PPARG: variants seen among roughly 807,000 people sequenced by gnomAD.
PPARG encodes the protein peroxisome proliferator activated receptor gamma.
PPARG carries 17 observed loss-of-function variants against 39.2 expected under a neutral mutation model. The observed-to-expected ratio is 0.43, with a 90% CI of 0.30 to 0.65. The LOEUF is 0.65. Ranked by LOEUF, PPARG falls within the 30% of genes least tolerant of loss-of-function variation. The pLI is 0.13. For synonymous variants in PPARG, 223 were observed against 215.7 expected (o/e 1.03, Z -0.30); for missense variants, 406 against 585.9 (o/e 0.69, Z 3.17).
chr3:12,383,427 T>C (rs533138469), intron 4 of PPARG, among the ~76,000 whole-genome samples: 71 of 152,292 alleles, frequency 4.7e-4, no homozygotes, highest in African/African-American at 1.6e-3. Context: ...ATTGAATGTT[T>C]TGTGGTTTTA....
chr3:12,322,125 C>T (rs2047563727), intron 2 of PPARG, among the ~76,000 whole-genome samples: 1 of 152,152 alleles, frequency 6.6e-6, no homozygotes, highest in South Asian at 2.1e-4. Flanking sequence ...TTTTTTGTTG[C>T]AGATACTGAA....
chr3:12,309,259 G>A (rs2047160226), intron 1 of PPARG, among the ~76,000 whole-genome samples: 1 of 152,084 alleles, frequency 6.6e-6, no homozygotes, highest in Admixed American at 6.5e-5. Context: ...AAGAAATTTT[G>A]TCAAGAATGG....
chr3:12,296,200 C>T (rs1198084733), intron 1 of PPARG, among the ~76,000 whole-genome samples: 2 of 130,628 alleles, frequency 1.5e-5, no homozygotes, highest in Non-Finnish European at 3.1e-5. Flanking sequence ...TGCAGTGAGC[C>T]GAGAAGATTG....
chr3:12,433,540 A>C (rs1363533286), intron 7 of PPARG, among the ~76,000 whole-genome samples: 2 of 150,754 alleles, frequency 1.3e-5, no homozygotes, highest in Non-Finnish European at 3.0e-5. Context: ...TCCATCTCAA[A>C]AAAAAAAAAA....
intron 2 of PPARG, among the ~76,000 whole-genome samples, chr3:12,320,772 C>G (rs1352155661): frequency 6.6e-6 from 1 of 152,158 alleles, no homozygotes; most frequent in Non-Finnish European, 1.5e-5. Flanking sequence ...CCCAACTACT[C>G]AGGTGGCTGA....
chr3:12,415,116 G>A (rs1168968158), intron 6 of PPARG, among the ~76,000 whole-genome samples: 1 of 152,152 alleles, frequency 6.6e-6, no homozygotes, highest in Non-Finnish European at 1.5e-5. Context: ...TTTCAGGAGA[G>A]AATTGTCAGC....
Position 12,420,416 on chromosome 3 carries a change from T to G in PPARG, c.1180+3262T>G, listed in dbSNP as rs371161768. 6.6e-5 allele frequency among the ~76,000 whole-genome samples: 10 copies of G among 152,380 alleles called. No individual in the cohort carries two copies. The East Asian group carries it at 1.9e-3, about 29-fold the overall frequency. On this transcript the variant is annotated intron_variant, in intron 7 of 7. Transcript: ENST00000651735. ...AACAAATTTCTGATCCTACCCAGTC[T>G]TAACAAGAGTGATTGTTTTCTCCTC... is the stretch of plus-strand genomic sequence containing the variant.
At chr3:12,382,016 AGAGC>A (rs1301548079) in intron 4 of PPARG, among the ~76,000 whole-genome samples, 5 of 152,302 alleles carry the variant, frequency 3.3e-5, no homozygotes, top group Admixed American at 2.0e-4. Flanking sequence ...TTGGATCCCT[AGAGC>A]AATCCTATAA....
intron 1 of PPARG, among the ~76,000 whole-genome samples, chr3:12,293,599 T>C (rs1200942810): frequency 2.6e-5 from 4 of 152,172 alleles, no homozygotes; most frequent in Non-Finnish European, 4.4e-5. Context: ...GGTTGCATGA[T>C]TACTGTGTAT....
intron 1 of PPARG, among the ~76,000 whole-genome samples, chr3:12,309,038 A>G (rs1397640472): frequency 1.3e-5 from 2 of 152,356 alleles, no homozygotes; most frequent in Admixed American, 1.3e-4. Flanking sequence ...CAGAGTACAT[A>G]CTATGCTAAT....
chr3:12,369,449 G>A (rs12630210), intron 2 of PPARG, among the ~76,000 whole-genome samples: 7,097 of 152,154 alleles, frequency 0.047, 356 homozygotes, highest in East Asian at 0.29. Context: ...CTGTGATTGC[G>A]TTACAGCACG....
At chr3:12,430,165 T>TTA (rs1330173970) in intron 7 of PPARG, among the ~76,000 whole-genome samples, 1 of 151,844 alleles carries the variant, frequency 6.6e-6, no homozygotes, top group African/African-American at 2.4e-5. Context: ...TCACTAGAGT[T>TTA]TATTAGACAC....
intron 2 of PPARG, among the ~76,000 whole-genome samples, chr3:12,379,005 T>G (rs925842066): frequency 3.3e-5 from 5 of 152,062 alleles, no homozygotes; most frequent in African/African-American, 4.8e-5. Flanking sequence ...TTTTGTTTTG[T>G]TTTGGTTTAG....
intron 6 of PPARG, among the ~76,000 whole-genome samples, chr3:12,407,457 G>A (rs892991525): frequency 1.3e-5 from 2 of 152,034 alleles, no homozygotes; most frequent in African/African-American, 2.4e-5. Flanking sequence ...CACCGCGCCC[G>A]GCTTTGTAGC....
intron 7 of PPARG, among the ~76,000 whole-genome samples, chr3:12,426,154 C>G (rs1028215852): frequency 6.6e-6 from 1 of 152,064 alleles, no homozygotes; most frequent in South Asian, 2.1e-4. Flanking sequence ...ATGGTTATCC[C>G]GCTCCACCAT....
chr3:12,409,836 GCC>G (rs1336209756), intron 6 of PPARG, among the ~76,000 whole-genome samples: 2 of 152,074 alleles, frequency 1.3e-5, no homozygotes, highest in East Asian at 1.9e-4. Flanking sequence ...TGTAGAATGC[GCC>G]CTGCCCGCTC....
chr3:12,413,322 C>CA (rs1211194276), intron 6 of PPARG, among the ~76,000 whole-genome samples: 1 of 152,178 alleles, frequency 6.6e-6, no homozygotes, highest in Non-Finnish European at 1.5e-5. Context: ...CAGGCCCACC[C>CA]AGGGATCACT....
intron 7 of PPARG, among the ~76,000 whole-genome samples, chr3:12,423,582 G>A (rs938337837): frequency 6.6e-6 from 1 of 152,234 alleles, no homozygotes; most frequent in Non-Finnish European, 1.5e-5. Flanking sequence ...CTTCTGCACA[G>A]CCCAGTGCCT....
intron 4 of PPARG, among the ~76,000 whole-genome samples, chr3:12,382,905 A>T (rs1367325455): frequency 1.3e-5 from 2 of 152,152 alleles, no homozygotes; most frequent in African/African-American, 4.8e-5. Flanking sequence ...CAGAAGTTCA[A>T]GGCTGCAGTG....
Sources: allele counts gnomAD v4.1 joint callset (sites outside exome capture counted in the v4.1 genomes callset), GRCh38; gene constraint gnomAD v4.1.1; transcripts MANE v1.5; gene names NCBI Gene and HGNC (gene_info 2026-07-23, HGNC 2026-07-21).